Variants in POPDC1 observed in about 807,000 individuals in gnomAD.
POPDC1 encodes the protein popeye domain-containing protein 1.
chr6:105,118,009 T>C, the POPDC1 span, among the ~76,000 whole-genome samples: 1 of 152,082 alleles, frequency 6.6e-6, no homozygotes, highest in Non-Finnish European at 1.5e-5. Context: ...ATCACACCAC[T>C]ACACTCGATC....
the POPDC1 span, among the ~76,000 whole-genome samples, chr6:105,103,401 G>C: frequency 6.6e-6 from 1 of 151,920 alleles, no homozygotes; most frequent in Non-Finnish European, 1.5e-5. Flanking sequence ...AAAGGAAATG[G>C]GCCTTGTGCT....
At chr6:105,136,628 A>G in the POPDC1 span, 1 of 152,356 alleles carries the variant, frequency 6.6e-6, no homozygotes, top group Non-Finnish European at 1.5e-5. Context: ...GGGAGCCGGC[A>G]CTCGGTGGGG....
chr6:105,121,459 G>A, the POPDC1 span, among the ~76,000 whole-genome samples: 1 of 151,962 alleles, frequency 6.6e-6, no homozygotes, highest in African/African-American at 2.4e-5. Context: ...GTGGACACCA[G>A]GTTTCACCAT....
the POPDC1 span, among the ~76,000 whole-genome samples, chr6:105,119,392 G>A: frequency 6.6e-6 from 1 of 152,172 alleles, no homozygotes; most frequent in Non-Finnish European, 1.5e-5. Flanking sequence ...CACATGCCAT[G>A]AAGCCTACAT....
chr6:105,107,205 T>C, the POPDC1 span, among the ~76,000 whole-genome samples: 139 of 152,212 alleles, frequency 9.1e-4, 1 homozygote, highest in Non-Finnish European at 1.8e-3. Context: ...TGTGAGAACA[T>C]GTTAAGTTTG....
At chr6:105,106,216 C>T in the POPDC1 span, among the ~76,000 whole-genome samples, 39 of 152,254 alleles carry the variant, frequency 2.6e-4, no homozygotes, top group East Asian at 2.1e-3. Flanking sequence ...TAAACAGTTA[C>T]GTCAAGAGTT....
At chr6:105,107,281 G>A in the POPDC1 span, among the ~76,000 whole-genome samples, 1 of 152,146 alleles carries the variant, frequency 6.6e-6, no homozygotes, top group Non-Finnish European at 1.5e-5. Flanking sequence ...ATGAACCAGG[G>A]AGCTCTTACA....
the POPDC1 span, among the ~76,000 whole-genome samples, chr6:105,119,826 T>C: frequency 6.6e-6 from 1 of 152,278 alleles, no homozygotes; most frequent in South Asian, 2.1e-4. Flanking sequence ...AATGACACTG[T>C]AATTTCCTTA....
the POPDC1 span, chr6:105,100,218 A>T: frequency 6.6e-6 from 1 of 152,166 alleles, no homozygotes; most frequent in Non-Finnish European, 1.5e-5. Flanking sequence ...CATTAAAAAA[A>T]TATGGAATAG....
the POPDC1 span, among the ~76,000 whole-genome samples, chr6:105,106,874 C>G: frequency 6.6e-6 from 1 of 152,124 alleles, no homozygotes; most frequent in Admixed American, 6.5e-5. Context: ...TACTTTGATA[C>G]AGGAATGCAA....
the POPDC1 span, chr6:105,125,287 C>T: frequency 7.5e-7 from 1 of 1,324,802 alleles, no homozygotes; most frequent in South Asian, 1.3e-5. Context: ...TCTGTGACTG[C>T]TTTCTCCATT....
chr6:105,135,200 C>G, the POPDC1 span, among the ~76,000 whole-genome samples: 2 of 152,208 alleles, frequency 1.3e-5, no homozygotes, highest in African/African-American at 4.8e-5. Context: ...GGCCTAGCCT[C>G]TGTAGAGAAG....
At chr6:105,101,681 C>A in the POPDC1 span, among the ~76,000 whole-genome samples, 16 of 152,276 alleles carry the variant, frequency 1.1e-4, no homozygotes, top group East Asian at 2.1e-3. Context: ...TTCTTGCCTC[C>A]ACCATGGAGT....
chr6:105,104,951 T>C, the POPDC1 span, among the ~76,000 whole-genome samples: 8 of 152,192 alleles, frequency 5.3e-5, no homozygotes, highest in African/African-American at 1.9e-4. Context: ...ACCACATCTG[T>C]ACTATTATTT....
At chr6:105,125,800 TG>T in the POPDC1 span, among the ~76,000 whole-genome samples, 2 of 152,208 alleles carry the variant, frequency 1.3e-5, no homozygotes, top group South Asian at 4.1e-4. Flanking sequence ...AGGTGGTTCA[TG>T]CCTGTAATTC....
chr6:105,102,625 T>C, the POPDC1 span, among the ~76,000 whole-genome samples: 1 of 152,240 alleles, frequency 6.6e-6, no homozygotes, highest in Admixed American at 6.5e-5. Flanking sequence ...TCTAGGCCTC[T>C]GTTTCCATAT....
chr6:105,115,839 A>G, the POPDC1 span: 2 of 1,611,620 alleles, frequency 1.2e-6, no homozygotes, highest in African/African-American at 1.3e-5. Flanking sequence ...TACAAAGCAA[A>G]GTTTTAAGCT....
At chr6:105,101,567 CATATT>C in the POPDC1 span, among the ~76,000 whole-genome samples, 1 of 152,162 alleles carries the variant, frequency 6.6e-6, no homozygotes, top group Admixed American at 6.5e-5. Context: ...GCTTGAGTCT[CATATT>C]AGCCCTTGAA....
chr6:105,128,723 A>G, the POPDC1 span, among the ~76,000 whole-genome samples: 1 of 152,202 alleles, frequency 6.6e-6, no homozygotes, highest in Middle Eastern at 3.2e-3. Context: ...ATCTGGCCCC[A>G]AACATAAGAT....
Sources: allele counts gnomAD v4.1 joint callset (sites outside exome capture counted in the v4.1 genomes callset), GRCh38; gene constraint gnomAD v4.1.1; transcripts MANE v1.5; gene names NCBI Gene and HGNC (gene_info 2026-07-23, HGNC 2026-07-21).